The following EML4 variants were observed in gnomAD, a reference collection of about 807,000 sequenced individuals.
EML4 encodes the protein echinoderm microtubule-associated protein-like 4.
In EML4, 72 loss-of-function variants were observed where a neutral mutation model predicts 129.0. The ratio of observed to expected loss-of-function variants is 0.56; its 90% CI spans 0.46 to 0.68. The LOEUF is 0.68. EML4 is among the 30% of genes least tolerant of loss of function. The pLI, the probability that EML4 is intolerant of heterozygous loss-of-function variation, is 0.00. For missense variants in EML4, 1,363 were observed against 1,190.6 expected (o/e 1.14, Z -2.13); for synonymous variants, 532 against 405.0 (o/e 1.31, Z -3.77).
chr2:42,180,324 C>G (rs1670859140), intron 1 of EML4, among the ~76,000 whole-genome samples: 1 of 152,136 alleles, frequency 6.6e-6, no homozygotes, highest in Non-Finnish European at 1.5e-5. Flanking sequence ...TCAGATTTAG[C>G]CAACAGACAT....
At chr2:42,286,223 T>C (rs1395196369) in intron 9 of EML4, 46 bp from the exon 10 acceptor site, 3 of 1,085,028 alleles carry the variant, frequency 2.8e-6, no homozygotes, top group Admixed American at 1.7e-5. Context: ...TTGGTGTTTA[T>C]TTGCATCCAC....
intron 3 of EML4, among the ~76,000 whole-genome samples, chr2:42,257,790 T>C (rs1665434250): frequency 6.6e-6 from 1 of 151,374 alleles, no homozygotes; most frequent in African/African-American, 2.4e-5. Flanking sequence ...TGAGCCACGA[T>C]TGCGCCACTG....
chr2:42,301,462 A>G (rs990307549), intron 14 of EML4, 70 bp downstream of exon 14: 2 of 1,220,112 alleles, frequency 1.6e-6, no homozygotes, highest in Non-Finnish European at 1.1e-6. Context: ...ACATTAAGAT[A>G]ACTTATACTT....
chr2:42,329,693 A>C, intron 22 of EML4, 41 bp from the exon 23 acceptor site: 1 of 1,543,602 alleles, frequency 6.5e-7, no homozygotes, highest in Non-Finnish European at 8.9e-7. Context: ...CATGTCAAGA[A>C]TGAGTTTAAT....
chr2:42,260,384 T>G (rs1431278488), intron 3 of EML4, among the ~76,000 whole-genome samples: 1 of 152,170 alleles, frequency 6.6e-6, no homozygotes, highest in African/African-American at 2.4e-5. Context: ...CCTGGGCTGG[T>G]CTTGAATTCC....
chr2:42,272,581 C>A (rs1020932418), intron 6 of EML4, among the ~76,000 whole-genome samples: 3 of 152,178 alleles, frequency 2.0e-5, no homozygotes, highest in Middle Eastern at 3.4e-3. Context: ...CTGTGCCCGG[C>A]CTGGACAGCA....
intron 13 of EML4, among the ~76,000 whole-genome samples, chr2:42,296,477 T>TTC (rs10689031): frequency 0.18 from 26,344 of 148,704 alleles, 3,027 homozygotes; most frequent in African/African-American, 0.33. Flanking sequence ...CACCTTATAC[T>TTC]TCTCTCTCTC....
chr2:42,241,661 C>T (rs186496096), intron 1 of EML4, among the ~76,000 whole-genome samples: 2 of 152,106 alleles, frequency 1.3e-5, no homozygotes, highest in Admixed American at 6.5e-5. Context: ...AAGCCCCTTG[C>T]GTGGCTTTGT....
At position 42,261,130 on chromosome 2, in the gene EML4, AAAAAAG is replaced by A; in HGVS notation, c.352_357del (p.Lys118_Lys119del). ...ATACTTTATTTTACAGTGGTACAGA[AAAAAAG>A]AAAGAAAAACCACAAGGACAGAGAG... is the stretch of plus-strand genomic sequence containing the variant. On this transcript the variant is annotated inframe_deletion, in exon 4 of 23. Transcript: ENST00000318522. The A allele has an allele frequency of 6.2e-7, 1 of 1,607,882 alleles. No individual in the cohort carries two copies. Among genetic ancestry groups the A allele is most frequent in the Admixed American group, 1.7e-5 (1 of 58,796 alleles).
At chr2:42,205,425 A>G (rs564901023) in intron 1 of EML4, among the ~76,000 whole-genome samples, 1 of 152,338 alleles carries the variant, frequency 6.6e-6, no homozygotes, top group African/African-American at 2.4e-5. Context: ...TCTAAAAGTA[A>G]ACTAATTTCA....
At chr2:42,309,878 T>A (rs749413402) in intron 17 of EML4, among the ~76,000 whole-genome samples, 75 of 152,238 alleles carry the variant, frequency 4.9e-4, no homozygotes, top group Non-Finnish European at 9.3e-4. Flanking sequence ...TAAGTTTTGA[T>A]GTAGTTTAGT....
intron 1 of EML4, among the ~76,000 whole-genome samples, chr2:42,244,856 GA>G (rs1558535060): frequency 6.6e-6 from 1 of 151,988 alleles, no homozygotes; most frequent in African/African-American, 2.4e-5. Flanking sequence ...TGCTGTCTTG[GA>G]AGTTTCCTGA....
chr2:42,298,620 T>G (rs755348881), intron 13 of EML4, among the ~76,000 whole-genome samples: 1 of 152,182 alleles, frequency 6.6e-6, no homozygotes, highest in East Asian at 1.9e-4. Flanking sequence ...GAAATAACTT[T>G]CCTGGAGTGA....
At chr2:42,175,831 G>A (rs1488312407) in intron 1 of EML4, among the ~76,000 whole-genome samples, 2 of 152,088 alleles carry the variant, frequency 1.3e-5, no homozygotes, top group Non-Finnish European at 2.9e-5. Context: ...ACCATAGAAA[G>A]GAAAGAAGAA....
chr2:42,283,025 T>A (rs1287332117), intron 8 of EML4, 53 bp downstream of exon 8: 1 of 1,498,616 alleles, frequency 6.7e-7, no homozygotes, highest in Non-Finnish European at 9.0e-7. Context: ...CCTCATTTTG[T>A]ATTTTTTAAA....
At chr2:42,241,199 C>A (rs1392923813) in intron 1 of EML4, among the ~76,000 whole-genome samples, 1 of 151,672 alleles carries the variant, frequency 6.6e-6, no homozygotes, top group Non-Finnish European at 1.5e-5. Flanking sequence ...CAGTGTAATA[C>A]CAGAGTTAAT....
intron 1 of EML4, among the ~76,000 whole-genome samples, chr2:42,238,916 G>A (rs1206768627): frequency 1.3e-5 from 2 of 152,096 alleles, no homozygotes; most frequent in Admixed American, 6.6e-5. Context: ...TGGGACTATA[G>A]GTGTGTGCTG....
At position 42,277,097 on chromosome 2, in the gene EML4, A is replaced by G. The variant is rs79081325; in HGVS notation, c.668-3753A>G. On this transcript the variant is annotated intron_variant, in intron 6 of 22. Coordinates refer to ENST00000318522, the MANE Select transcript of EML4 (RefSeq NM_019063.5). The stretch of plus-strand genomic sequence containing the variant: ...CTATCACTAACCCTCCCCCTTTGCT[A>G]TACCTACACTCCTTTCTAAGTGGTG... Among the ~76,000 whole-genome samples, 527 of 152,098 alleles carry G rather than the reference A, an allele frequency of 3.5e-3. 28 individuals are homozygous for G. The South Asian group carries it at 0.071, about 20-fold the overall frequency.
intron 1 of EML4, among the ~76,000 whole-genome samples, chr2:42,205,002 C>G (rs1672459058): frequency 2.6e-5 from 4 of 152,148 alleles, no homozygotes; most frequent in African/African-American, 9.7e-5. Flanking sequence ...ATCTCTTAAT[C>G]ATTTGCAATA....
Sources: allele counts gnomAD v4.1 joint callset (sites outside exome capture counted in the v4.1 genomes callset), GRCh38; gene constraint gnomAD v4.1.1; transcripts MANE v1.5; gene names NCBI Gene and HGNC (gene_info 2026-07-23, HGNC 2026-07-21).